PCCA: variants seen among roughly 807,000 people sequenced by gnomAD.
PCCA encodes propionyl-CoA carboxylase subunit alpha, also known as propionyl-CoA carboxylase alpha chain, mitochondrial.
A neutral mutation model predicts 101.3 loss-of-function variants in PCCA; 74 were observed. The ratio of observed to expected loss-of-function variants is 0.73; its 90% confidence interval spans 0.61 to 0.89. The LOEUF (loss-of-function observed/expected upper bound fraction) is 0.89, where lower values mean the gene tolerates loss of function less well. Ranked by LOEUF, PCCA falls within the 40% of genes least tolerant of loss-of-function variation. PCCA has a pLI of 0.00. For missense variants in PCCA, 891 were observed against 907.0 expected (o/e 0.98, Z 0.23); for synonymous variants, 294 against 313.6 (o/e 0.94, Z 0.66).
Position 100,390,475 on chromosome 13 carries a change from C to A in PCCA, c.1746+21901C>A, listed in dbSNP as rs151092285. ...CAGTAGTATAAATGGCAGTTGAACA[C>A]GGGTTGAATTGAGGAGAAAGTAGAA... On this transcript the variant is annotated intron_variant, in intron 19 of 23. Transcript: ENST00000376285. 4.0e-5 allele frequency among the ~76,000 whole-genome samples: 6 copies of A among 151,878 alleles called. No individual in the cohort carries two copies. In the East Asian group the frequency reaches 1.2e-3, roughly 29 times the overall value.
intron 6 of PCCA, among the ~76,000 whole-genome samples, chr13:100,176,241 G>T (rs2152422897): frequency 6.6e-6 from 1 of 152,260 alleles, no homozygotes; most frequent in East Asian, 1.9e-4. Context: ...CTCTGAAATT[G>T]TGGTGTTTGG....
intron 7 of PCCA, among the ~76,000 whole-genome samples, chr13:100,222,126 C>T (rs190997605): frequency 6.0e-5 from 9 of 150,532 alleles, no homozygotes; most frequent in East Asian, 4.0e-4. Context: ...ACTCCATCCC[C>T]GCCCCCTGGG....
chr13:100,133,693 G>C (rs2050804031), intron 4 of PCCA, among the ~76,000 whole-genome samples: 1 of 152,154 alleles, frequency 6.6e-6, no homozygotes, highest in South Asian at 2.1e-4. Flanking sequence ...TGGGTTGAAG[G>C]ATGCAAAGTA....
chr13:100,156,164 G>T (rs2053865567), intron 5 of PCCA, among the ~76,000 whole-genome samples: 1 of 152,194 alleles, frequency 6.6e-6, no homozygotes, highest in South Asian at 2.1e-4. Flanking sequence ...GTCCCGCCAG[G>T]TTCAAGCGAT....
chr13:100,263,946 C>T (rs770231251), intron 10 of PCCA, among the ~76,000 whole-genome samples: 64 of 146,918 alleles, frequency 4.4e-4, no homozygotes, highest in Non-Finnish European at 7.6e-4. Flanking sequence ...GTCATATATA[C>T]GGTATCTGTA....
chr13:100,109,007 A>G (rs2048061881), intron 2 of PCCA, among the ~76,000 whole-genome samples: 1 of 152,236 alleles, frequency 6.6e-6, no homozygotes, highest in Admixed American at 6.5e-5. Context: ...AGCCCTTAAC[A>G]GAGAAGATGT....
intron 7 of PCCA, among the ~76,000 whole-genome samples, chr13:100,235,006 G>A (rs1346505140): frequency 6.6e-6 from 1 of 151,996 alleles, no homozygotes; most frequent in Non-Finnish European, 1.5e-5. Flanking sequence ...TCCTGTGTTG[G>A]ATGTGTTAGG....
chr13:100,322,127 T>A (rs764938835), intron 16 of PCCA, among the ~76,000 whole-genome samples: 1 of 152,148 alleles, frequency 6.6e-6, no homozygotes, highest in Non-Finnish European at 1.5e-5. Flanking sequence ...AGGAGGCAAG[T>A]CAGCCTCATG....
intron 4 of PCCA, among the ~76,000 whole-genome samples, chr13:100,144,053 C>T (rs1462665192): frequency 6.6e-6 from 1 of 152,062 alleles, no homozygotes. Flanking sequence ...CATGAGCCAC[C>T]ATGCCCGGCC....
At chr13:100,527,486 A>T in intron 22 of PCCA, 189 bp from the exon 23 acceptor site, 1 of 630,148 alleles carries the variant, frequency 1.6e-6, no homozygotes. Context: ...GGACTTTATG[A>T]GAGAGAGAAT....
intron 19 of PCCA, among the ~76,000 whole-genome samples, chr13:100,393,451 C>T (rs1193383834): frequency 7.0e-6 from 1 of 142,824 alleles, no homozygotes; most frequent in African/African-American, 2.6e-5. Context: ...TGGAGTCACG[C>T]TCTGTCACCC....
intron 8 of PCCA, chr13:100,236,592 C>G (rs2060812867): frequency 6.6e-6 from 1 of 152,406 alleles, no homozygotes; most frequent in Admixed American, 6.6e-5. Flanking sequence ...TCCCTAGTAG[C>G]TGGGATTACA....
intron 21 of PCCA, among the ~76,000 whole-genome samples, chr13:100,475,970 A>T (rs1566409539): frequency 6.6e-6 from 1 of 152,132 alleles, no homozygotes; most frequent in Admixed American, 6.6e-5. Flanking sequence ...AACAAACTTG[A>T]CCCCCCAAAA....
At chr13:100,256,929 A>G (rs1307837847) in intron 8 of PCCA, among the ~76,000 whole-genome samples, 4 of 152,198 alleles carry the variant, frequency 2.6e-5, no homozygotes, top group Non-Finnish European at 5.9e-5. Flanking sequence ...TGACAATTTT[A>G]TGAGTTTAAA....
At chr13:100,118,129 A>G (rs1452448026) in intron 4 of PCCA, among the ~76,000 whole-genome samples, 2 of 151,616 alleles carry the variant, frequency 1.3e-5, no homozygotes, top group African/African-American at 4.9e-5. Context: ...AAAAAAGAAA[A>G]AAAAAAAAAA....
chr13:100,361,163 G>T (rs2074536206), intron 18 of PCCA, among the ~76,000 whole-genome samples: 1 of 152,090 alleles, frequency 6.6e-6, no homozygotes, highest in South Asian at 2.1e-4. Context: ...TAAATAGGTG[G>T]AACAGGGGAC....
chr13:100,311,249 T>C (rs1242812597), intron 16 of PCCA, among the ~76,000 whole-genome samples: 1 of 151,914 alleles, frequency 6.6e-6, no homozygotes, highest in Non-Finnish European at 1.5e-5. Flanking sequence ...AAAAAAAATT[T>C]TTTTTTAAAT....
At chr13:100,449,183 G>T in intron 20 of PCCA, 69 bp from the exon 21 acceptor site, 1 of 923,838 alleles carries the variant, frequency 1.1e-6, no homozygotes. Context: ...GGGTTTTTTG[G>T]CTATCGTGAA....
chr13:100,249,164 T>C (rs1318162113), intron 8 of PCCA, among the ~76,000 whole-genome samples: 2 of 152,228 alleles, frequency 1.3e-5, no homozygotes, highest in Non-Finnish European at 2.9e-5. Context: ...ATGTAAAAAC[T>C]CATTGCTAAA....
Sources: gnomAD v4.1 joint callset for allele counts (sites outside exome capture counted in the v4.1 genomes callset) on GRCh38, gnomAD v4.1.1 for gene constraint, MANE v1.5 for transcripts, NCBI Gene and HGNC (gene_info 2026-07-23, HGNC 2026-07-21) for gene names.